The following TTC6 variants were observed in gnomAD, a reference collection of about 807,000 sequenced individuals.
TTC6 encodes the protein tetratricopeptide repeat domain 6.
In TTC6, 172 loss-of-function variants were observed where a neutral mutation model predicts 210.4. The observed-to-expected ratio is 0.82, with a 90% confidence interval of 0.72 to 0.93. TTC6 has a LOEUF of 0.93. Ranked by LOEUF, TTC6 falls within the 40% of genes least tolerant of loss-of-function variation. The pLI is 0.00. For missense variants in TTC6, 2,414 were observed against 2,318.1 expected, an observed-to-expected ratio of 1.04 and a Z score of -0.85; for synonymous variants, 804 against 819.6, an observed-to-expected ratio of 0.98 and a Z score of 0.32.
At chr14:37,781,939 G>T (rs2096056015) in intron 14 of TTC6, among the ~76,000 whole-genome samples, 1 of 152,026 alleles carries the variant, frequency 6.6e-6, no homozygotes. Flanking sequence ...ATGGTTGTAG[G>T]AGTGTGGTAT....
chr14:37,628,134 C>A (rs2095663509), intron 1 of TTC6, among the ~76,000 whole-genome samples: 1 of 152,138 alleles, frequency 6.6e-6, no homozygotes, highest in South Asian at 2.1e-4. Flanking sequence ...CCACGCCTGG[C>A]TAACTTTGTA....
chr14:37,600,640 TAGAA>T (rs1337382321), intron 1 of TTC6, among the ~76,000 whole-genome samples: 1 of 152,238 alleles, frequency 6.6e-6, no homozygotes, highest in African/African-American at 2.4e-5. Flanking sequence ...ATCCTTCACT[TAGAA>T]AGAAAATAAA....
At chr14:37,813,564 A>G (rs1034085940) in intron 25 of TTC6, among the ~76,000 whole-genome samples, 13 of 152,224 alleles carry the variant, frequency 8.5e-5, no homozygotes, top group Non-Finnish European at 1.8e-4. Flanking sequence ...GTCCTCAACA[A>G]TGCTGCCGAA....
intron 29 of TTC6, among the ~76,000 whole-genome samples, chr14:37,831,609 A>G (rs2139018708): frequency 1.7e-5 from 1 of 60,068 alleles, no homozygotes; most frequent in East Asian, 6.2e-4. Flanking sequence ...TTTGTTTGCA[A>G]TAGCCATTTT....
chr14:37,802,797 A>G (rs1233346562), intron 20 of TTC6, among the ~76,000 whole-genome samples: 1 of 150,678 alleles, frequency 6.6e-6, no homozygotes, highest in East Asian at 2.0e-4. Flanking sequence ...CAGTGGCGCA[A>G]TCTCAGCTCA....
Position 37,696,789 on chromosome 14 carries a change from C to A in TTC6, c.1330C>A (p.Pro444Thr). 3.5e-6 allele frequency: 5 copies of A among 1,435,854 alleles called. No homozygotes were observed. The South Asian group carries it at 7.6e-5, about 22-fold the overall frequency. The allele number at this position is 1,435,854 out of a possible 1,614,324, so 88.9% of individuals were successfully genotyped here. A position where few individuals can be genotyped will look rare whatever the true frequency, so the allele number is the denominator to read the frequency against. The change falls in exon 4 of 31, where the codon CCA becomes ACA. Residue 444 changes from proline (P) to threonine (T), a missense_variant. Pro to Thr is a conservative substitution (Grantham distance 38). Transcript: ENST00000553443. ...AATGCGGAAACGTAAATCACTGAGA[C>A]CAAGAAAGTCTTCAAAACCTCTTTG...
At chr14:37,753,158 T>C in exon 14 of TTC6, 1 of 1,535,564 alleles carries the variant, frequency 6.5e-7, no homozygotes, top group South Asian at 1.2e-5. Flanking sequence ...TGTTTTATTG[T>C]GAAAATGAAA....
intron 5 of TTC6, among the ~76,000 whole-genome samples, chr14:37,708,736 C>A (rs922128175): frequency 3.9e-5 from 6 of 151,978 alleles, no homozygotes; most frequent in Non-Finnish European, 8.8e-5. Flanking sequence ...AATTGTGAAC[C>A]AATTTTGGAA....
intron 6 of TTC6, among the ~76,000 whole-genome samples, chr14:37,717,645 G>A (rs1034743549): frequency 6.6e-6 from 1 of 152,076 alleles, no homozygotes; most frequent in African/African-American, 2.4e-5. Flanking sequence ...AATTAACAGC[G>A]ATTCTATACA....
At chr14:37,610,457 A>C (rs1048776038) in intron 2 of TTC6, among the ~76,000 whole-genome samples, 14 of 152,178 alleles carry the variant, frequency 9.2e-5, no homozygotes, top group African/African-American at 3.4e-4. Flanking sequence ...TAAAATAAAC[A>C]TGTGTGGGCC....
intron 14 of TTC6, among the ~76,000 whole-genome samples, chr14:37,778,297 C>T (rs947835048): frequency 4.6e-5 from 7 of 151,388 alleles, no homozygotes; most frequent in Non-Finnish European, 5.9e-5. Flanking sequence ...ATGTTGGGCT[C>T]ATGGCCTTCA....
chr14:37,787,958 A>T (rs1394062060), intron 15 of TTC6, among the ~76,000 whole-genome samples: 1 of 150,544 alleles, frequency 6.6e-6, no homozygotes, highest in Non-Finnish European at 1.5e-5. Context: ...GACAGCAAAG[A>T]ATCTCTTTCT....
chr14:37,629,086 C>T (rs904672435), intron 1 of TTC6, among the ~76,000 whole-genome samples: 3 of 152,066 alleles, frequency 2.0e-5, no homozygotes, highest in Admixed American at 6.5e-5. Flanking sequence ...CTTGGCTATA[C>T]GGGCTCTTTT....
At chr14:37,628,730 A>G (rs1037945638) in intron 1 of TTC6, among the ~76,000 whole-genome samples, 2 of 152,114 alleles carry the variant, frequency 1.3e-5, no homozygotes, top group Non-Finnish European at 2.9e-5. Context: ...TAGGGTTTTT[A>G]TAGTTTTATG....
At chr14:37,724,635 C>T (rs1397207978) in intron 6 of TTC6, among the ~76,000 whole-genome samples, 4 of 152,120 alleles carry the variant, frequency 2.6e-5, no homozygotes, top group Admixed American at 6.6e-5. Context: ...AGATGTGGCA[C>T]GTACACTTTC....
At chr14:37,626,860 A>G (rs527822041) in intron 1 of TTC6, among the ~76,000 whole-genome samples, 2 of 152,076 alleles carry the variant, frequency 1.3e-5, no homozygotes, top group South Asian at 4.2e-4. Flanking sequence ...CTGCGGAAAA[A>G]CCTATGGCGC....
chr14:37,811,656 A>G (rs1405999652), intron 24 of TTC6, among the ~76,000 whole-genome samples: 2 of 152,032 alleles, frequency 1.3e-5, no homozygotes, highest in African/African-American at 4.8e-5. Context: ...CAGTGAATGT[A>G]AAAAAAACCA....
At chr14:37,664,303 C>T (rs1314011872) in intron 1 of TTC6, among the ~76,000 whole-genome samples, 1 of 150,476 alleles carries the variant, frequency 6.6e-6, no homozygotes, top group African/African-American at 2.4e-5. Flanking sequence ...CAAGAACAGA[C>T]ACATAGATGA....
chr14:37,622,267 C>CG lies in TTC6; in HGVS notation c.203_204insG (p.Ala69ArgfsTer12). 6.5e-7 allele frequency: 1 copy of CG among 1,535,144 alleles called. No homozygotes were observed. Among genetic ancestry groups the CG allele is most frequent in the Non-Finnish European group, 8.7e-7 (1 of 1,146,406 alleles). ...GCCCGCCCCGCGCGCGTTTCCTGCG[C>CG]CGCAGCCCGGACGTCGAGAAGATAC... On this transcript the variant is annotated frameshift_variant, in exon 1 of 31. Coordinates refer to ENST00000553443, the Ensembl canonical transcript of TTC6. LOFTEE classifies it high-confidence loss of function.
Sources: gnomAD v4.1 joint callset for allele counts (sites outside exome capture counted in the v4.1 genomes callset) on GRCh38, gnomAD v4.1.1 for gene constraint, MANE v1.5 for transcripts, NCBI Gene and HGNC (gene_info 2026-07-23, HGNC 2026-07-21) for gene names.